DYSF: variants seen among roughly 807,000 people sequenced by gnomAD.
The protein encoded by DYSF is dystrophy-associated fer-1-like 1.
A neutral mutation model predicts 274.9 loss-of-function variants in DYSF; 212 were observed. The observed-to-expected ratio is 0.77, with a 90% CI of 0.69 to 0.86. The LOEUF (loss-of-function observed/expected upper bound fraction) is 0.86. DYSF is among the 40% of genes least tolerant of loss of function. DYSF has a pLI of 0.00. For missense variants in DYSF, 2,666 were observed against 2,783.2 expected (o/e 0.96, Z 0.95); for synonymous variants, 1,091 against 1,078.7 (o/e 1.01, Z -0.22).
At chr2:71,556,404 G>A (rs1446580184) in intron 22 of DYSF, among the ~76,000 whole-genome samples, 8 of 152,174 alleles carry the variant, frequency 5.3e-5, no homozygotes, top group East Asian at 3.9e-4. Context: ...GGGTGACGGC[G>A]CCCCTCATTC....
intron 17 of DYSF, among the ~76,000 whole-genome samples, chr2:71,542,073 C>T (rs113306115): frequency 0.014 from 2,082 of 152,256 alleles, 52 homozygotes; most frequent in African/African-American, 0.048. Flanking sequence ...AGCCCACCAA[C>T]TTGGGTTCAA....
At chr2:71,518,713 T>G (rs1297063850) in intron 10 of DYSF, among the ~76,000 whole-genome samples, 1 of 152,182 alleles carries the variant, frequency 6.6e-6, no homozygotes, top group East Asian at 1.9e-4. Context: ...TTCTTTAAAT[T>G]TGTATTTTAA....
chr2:71,478,432 C>G (rs1013442641), intron 1 of DYSF, among the ~76,000 whole-genome samples: 1 of 151,962 alleles, frequency 6.6e-6, no homozygotes, highest in Non-Finnish European at 1.5e-5. Flanking sequence ...AGGATGGTCT[C>G]AATCTCCTGG....
intron 38 of DYSF, among the ~76,000 whole-genome samples, chr2:71,612,440 G>A (rs1455571741): frequency 1.3e-5 from 2 of 152,336 alleles, no homozygotes; most frequent in South Asian, 2.1e-4. Context: ...GGGGAAAGCC[G>A]GCCTCTGCAT....
chr2:71,486,453 G>A lies in DYSF; in HGVS notation c.239+4483G>A, dbSNP rs992838261. 5.3e-5 allele frequency among the ~76,000 whole-genome samples: 8 copies of A among 151,702 alleles called. No homozygotes were observed. In the East Asian group the frequency reaches 5.8e-4, roughly 11 times the overall value. ...TCTCCTCCTTCTCTTGCCCCTCCTC[G>A]ATCCTCACCATCCTCACCGCCACTG... is the stretch of plus-strand genomic sequence containing the variant. On this transcript the variant is annotated intron_variant, in intron 3 of 55. Transcript: ENST00000410020.
intron 47 of DYSF, 45 bp from the exon 48 acceptor site, chr2:71,667,331 C>T (rs755964281): frequency 5.8e-5 from 94 of 1,613,176 alleles, no homozygotes; most frequent in South Asian, 9.9e-5. Context: ...CATTATCTCT[C>T]GCTTCCCCAG....
chr2:71,539,963 A>G (rs1275936246), intron 17 of DYSF, among the ~76,000 whole-genome samples: 3 of 152,088 alleles, frequency 2.0e-5, no homozygotes, highest in African/African-American at 7.3e-5. Flanking sequence ...AATGATGAAC[A>G]TGTAGGTGTT....
intron 44 of DYSF, among the ~76,000 whole-genome samples, chr2:71,660,073 A>T (rs529797544): frequency 6.6e-6 from 1 of 152,278 alleles, no homozygotes; most frequent in Admixed American, 6.5e-5. Flanking sequence ...CTGATGCTAG[A>T]CTAACCCTGG....
intron 16 of DYSF, among the ~76,000 whole-genome samples, chr2:71,536,309 GA>G (rs1385491020): frequency 6.6e-6 from 1 of 152,200 alleles, no homozygotes; most frequent in Non-Finnish European, 1.5e-5. Context: ...CCAGGCCACA[GA>G]GCCATTAAGC....
chr2:71,581,270 C>A (rs1250594901), intron 30 of DYSF, among the ~76,000 whole-genome samples: 5 of 152,364 alleles, frequency 3.3e-5, no homozygotes, highest in East Asian at 3.9e-4. Flanking sequence ...TTTCCTGATT[C>A]CACCCTCAGC....
intron 17 of DYSF, chr2:71,549,399 G>C (rs751779760): frequency 6.2e-7 from 1 of 1,611,368 alleles, no homozygotes; most frequent in Non-Finnish European, 8.5e-7. Flanking sequence ...ACTGTACGTT[G>C]CTGTCACCTT....
At chr2:71,532,617 C>T (rs1008710564) in intron 14 of DYSF, among the ~76,000 whole-genome samples, 1 of 152,030 alleles carries the variant, frequency 6.6e-6, no homozygotes, top group Non-Finnish European at 1.5e-5. Flanking sequence ...TGAAGGTAGC[C>T]AGGTTGAAGT....
At chr2:71,567,707 G>A (rs1296437829) in intron 24 of DYSF, among the ~76,000 whole-genome samples, 4 of 152,064 alleles carry the variant, frequency 2.6e-5, no homozygotes, top group Non-Finnish European at 5.9e-5. Context: ...TCCTAGGAGG[G>A]AATGATGTAG....
At chr2:71,547,974 C>T (rs2090614794) in intron 17 of DYSF, among the ~76,000 whole-genome samples, 1 of 152,216 alleles carries the variant, frequency 6.6e-6, no homozygotes, top group Non-Finnish European at 1.5e-5. Flanking sequence ...CTGTTTGCTT[C>T]CGGTGGTCCC....
At position 71,481,695 on chromosome 2, in the gene DYSF, T is replaced by TATCCATCCATCCATCC. The variant is rs56102566; in HGVS notation, c.148-165_148-150dup. 2.9e-3 allele frequency among the ~76,000 whole-genome samples: 358 copies of TATCCATCCATCCATCC among 124,496 alleles called. 6 individuals are homozygous for TATCCATCCATCCATCC. Among genetic ancestry groups the TATCCATCCATCCATCC allele is most frequent in the East Asian group, 0.01 (30 of 2,910 alleles). The allele number at this position is 124,496 out of a possible 152,430, so 81.7% of individuals were successfully genotyped here. On this transcript the variant is annotated intron_variant, in intron 2 of 55. Transcript: ENST00000410020. The stretch of plus-strand genomic sequence containing the variant: ...AATTTCTGGATCTGTGGTCTTCATC[T>TATCCATCCATCCATCC]ATCCATCCATCCATCCATCCATCCA...
At chr2:71,613,139 A>G (rs1190483118) in intron 39 of DYSF, among the ~76,000 whole-genome samples, 195 bp from the exon 40 acceptor site, 2 of 152,134 alleles carry the variant, frequency 1.3e-5, no homozygotes, top group Non-Finnish European at 2.9e-5. Context: ...TGGGAGACAG[A>G]GCATGTGAAG....
At chr2:71,593,296 C>A (rs2093323704) in intron 32 of DYSF, among the ~76,000 whole-genome samples, 1 of 152,020 alleles carries the variant, frequency 6.6e-6, no homozygotes. Context: ...CCATGCCCAG[C>A]TAATTTTTTG....
chr2:71,659,707 A>T (rs754705834), intron 44 of DYSF, among the ~76,000 whole-genome samples: 4 of 152,188 alleles, frequency 2.6e-5, no homozygotes, highest in Non-Finnish European at 5.9e-5. Context: ...GTCTCCCTCT[A>T]GTCATTGCCT....
At chr2:71,573,214 G>A (rs913180406) in intron 29 of DYSF, among the ~76,000 whole-genome samples, 48 of 152,352 alleles carry the variant, frequency 3.2e-4, no homozygotes, top group African/African-American at 8.2e-4. Context: ...GAGGGGCAAG[G>A]CTTTTGGACA....
Sources: allele counts gnomAD v4.1 joint callset (sites outside exome capture counted in the v4.1 genomes callset), GRCh38; gene constraint gnomAD v4.1.1; transcripts MANE v1.5; gene names NCBI Gene and HGNC (gene_info 2026-07-23, HGNC 2026-07-21).